Variants in ZRANB3 observed in about 807,000 individuals in gnomAD.
ZRANB3 encodes the protein DNA annealing helicase and endonuclease ZRANB3.
A neutral mutation model predicts 133.8 loss-of-function variants in ZRANB3; 125 were observed. That is an observed-to-expected ratio of 0.93 (90% CI 0.81 to 1.08). ZRANB3 has a LOEUF of 1.08. Among genes scored for constraint, ZRANB3 ranks in the 50% least tolerant of loss-of-function variants. ZRANB3 has a pLI of 0.00. For missense variants in ZRANB3, 1,229 were observed against 1,275.5 expected (o/e 0.96, Z 0.56); for synonymous variants, 387 against 432.7 (o/e 0.89, Z 1.31).
chr2:135,467,123 G>A (rs995967054), intron 2 of ZRANB3, among the ~76,000 whole-genome samples: 3 of 152,080 alleles, frequency 2.0e-5, no homozygotes, highest in Non-Finnish European at 2.9e-5. Context: ...TTCCTCTTCC[G>A]ATGGCTTAAT....
At chr2:135,399,400 GT>G (rs1687641057) in intron 2 of ZRANB3, among the ~76,000 whole-genome samples, 1 of 152,174 alleles carries the variant, frequency 6.6e-6, no homozygotes, top group Admixed American at 6.5e-5. Context: ...AAATTCACAG[GT>G]TTTTAAAATA....
chr2:135,466,566 T>C (rs985916622), intron 2 of ZRANB3, among the ~76,000 whole-genome samples: 10 of 152,080 alleles, frequency 6.6e-5, no homozygotes, highest in Admixed American at 2.0e-4. Context: ...TAAAAGCTGT[T>C]TGGAATCTTG....
intron 2 of ZRANB3, among the ~76,000 whole-genome samples, chr2:135,405,528 C>T (rs1297568459): frequency 6.6e-6 from 1 of 152,190 alleles, no homozygotes; most frequent in East Asian, 1.9e-4. Context: ...TTCTTCTCAG[C>T]ACCACAGCAC....
intron 3 of ZRANB3, among the ~76,000 whole-genome samples, chr2:135,367,344 C>T (rs938977389): frequency 1.3e-5 from 2 of 152,152 alleles, no homozygotes; most frequent in South Asian, 2.1e-4. Flanking sequence ...AGACAGTGGA[C>T]TGGAGGCGGG....
chr2:135,464,236 A>G (rs1448844684), intron 2 of ZRANB3, among the ~76,000 whole-genome samples: 1 of 152,122 alleles, frequency 6.6e-6, no homozygotes, highest in Non-Finnish European at 1.5e-5. Flanking sequence ...AAAGTATAGG[A>G]GCTGAGGTAA....
At chr2:135,335,726 A>G (rs995508655) in intron 6 of ZRANB3, among the ~76,000 whole-genome samples, 1 of 150,906 alleles carries the variant, frequency 6.6e-6, no homozygotes, top group African/African-American at 2.5e-5. Flanking sequence ...CAAAACAACA[A>G]AAACAAAAAC....
At chr2:135,225,624 A>G (rs1694728973) in intron 14 of ZRANB3, among the ~76,000 whole-genome samples, 1 of 152,194 alleles carries the variant, frequency 6.6e-6, no homozygotes, top group Non-Finnish European at 1.5e-5. Context: ...TTTACACTAC[A>G]CATGAGGTAT....
At position 135,271,767 on chromosome 2, in the gene ZRANB3, C is replaced by T. The variant is rs770626160; in HGVS notation, c.1206+1G>A. The T allele has an allele frequency of 2.5e-6, 4 of 1,606,778 alleles. No individual in the cohort carries two copies. The highest frequency in any genetic ancestry group is 3.4e-6 in the Non-Finnish European group (4 of 1,177,862). ...CCAAATTTAGACTTGAAATTTCTTA[C>T]CTGGCCAGCAGCCTGAATGCTTAGG... On this transcript the variant is annotated splice_donor_variant, in intron 10 of 20. Transcript: ENST00000264159. LOFTEE classifies it high-confidence loss of function.
At chr2:135,211,089 G>T (rs1281836552) in intron 17 of ZRANB3, among the ~76,000 whole-genome samples, 1 of 152,076 alleles carries the variant, frequency 6.6e-6, no homozygotes. Context: ...GAGTATAGGT[G>T]TATGCCTTTT....
rs373880924 is a variant in ZRANB3, at chr2:135,342,271, A to G, written c.677+3279T>C. Among the ~76,000 whole-genome samples the G allele has an allele frequency of 1.7e-4, 25 of 150,040 alleles. 2 individuals carry two copies. Among genetic ancestry groups the G allele is most frequent in the Middle Eastern group, 3.4e-3 (1 of 294 alleles). On this transcript the variant is annotated intron_variant, in intron 6 of 20. Coordinates refer to ENST00000264159, the MANE Select transcript of ZRANB3 (RefSeq NM_032143.4). ...GAAATATTGGGGGCCGGTTCCCCCAATAGTGATCTGCCCACCTCGGCCTCC... is the reference window on the plus strand; with the variant it reads ...GAAATATTGGGGGCCGGTTCCCCCAGTAGTGATCTGCCCACCTCGGCCTCC...
At chr2:135,450,075 C>T (rs187855739) in intron 2 of ZRANB3, among the ~76,000 whole-genome samples, 37 of 152,178 alleles carry the variant, frequency 2.4e-4, no homozygotes, top group Middle Eastern at 3.4e-3. Context: ...AGATTAACAA[C>T]GGTTAATTAA....
intron 2 of ZRANB3, among the ~76,000 whole-genome samples, chr2:135,472,136 A>G (rs1336353956): frequency 6.6e-6 from 1 of 152,238 alleles, no homozygotes; most frequent in African/African-American, 2.4e-5. Flanking sequence ...ACATACTGTC[A>G]TAGATAACCT....
intron 12 of ZRANB3, among the ~76,000 whole-genome samples, chr2:135,250,469 C>T (rs917397915): frequency 1.1e-4 from 17 of 152,308 alleles, no homozygotes; most frequent in African/African-American, 3.8e-4. Context: ...GAAAATGTCT[C>T]TAGGCCATGT....
intron 8 of ZRANB3, among the ~76,000 whole-genome samples, chr2:135,302,918 T>G (rs1262390216): frequency 6.6e-6 from 1 of 152,094 alleles, no homozygotes; most frequent in African/African-American, 2.4e-5. Context: ...TTCAGTATTA[T>G]ATACAAAGAA....
intron 2 of ZRANB3, among the ~76,000 whole-genome samples, chr2:135,484,828 G>C (rs866743345): frequency 2.6e-5 from 4 of 151,798 alleles, no homozygotes; most frequent in Admixed American, 6.6e-5. Context: ...GAGGTCAGGA[G>C]TTGGAGATCA....
At position 135,274,820 on chromosome 2, in the gene ZRANB3, G is replaced by A. The variant is rs1286725952; in HGVS notation, c.1086+816C>T. ...TGGGTACTTGAGATTAGGGAGTGGT[G>A]ATGACTCTTAACGAGCATGCTGCCT... On this transcript the variant is annotated intron_variant, in intron 9 of 20. Transcript: ENST00000264159. Among the ~76,000 whole-genome samples, 4 of 152,200 alleles carry A rather than the reference G, an allele frequency of 2.6e-5. No individual in the cohort carries two copies. The East Asian group carries it at 5.8e-4, about 22-fold the overall frequency.
intron 8 of ZRANB3, among the ~76,000 whole-genome samples, chr2:135,285,504 G>A (rs115041952): frequency 6.2e-3 from 943 of 152,178 alleles, no homozygotes; most frequent in South Asian, 9.3e-3. Context: ...ATATTGCAGT[G>A]GCCTCATTAT....
intron 2 of ZRANB3, among the ~76,000 whole-genome samples, chr2:135,406,730 A>C (rs1342263952): frequency 1.3e-5 from 2 of 152,214 alleles, no homozygotes; most frequent in East Asian, 3.8e-4. Context: ...CCACATGATT[A>C]TCTCAATAGA....
At chr2:135,406,832 A>C (rs1330127017) in intron 2 of ZRANB3, among the ~76,000 whole-genome samples, 1 of 152,212 alleles carries the variant, frequency 6.6e-6, no homozygotes, top group Non-Finnish European at 1.5e-5. Flanking sequence ...CAAAATAATA[A>C]GAGCTATCTA....
Sources: allele counts gnomAD v4.1 joint callset (sites outside exome capture counted in the v4.1 genomes callset), GRCh38; gene constraint gnomAD v4.1.1; transcripts MANE v1.5; gene names NCBI Gene and HGNC (gene_info 2026-07-23, HGNC 2026-07-21).